The following ZC3H12B variants were observed in gnomAD, a reference collection of about 807,000 sequenced individuals.
The protein encoded by ZC3H12B is probable ribonuclease ZC3H12B.
In ZC3H12B, 7 loss-of-function variants were observed where a neutral mutation model predicts 43.9. The ratio of observed to expected loss-of-function variants is 0.16; its 90% CI spans 0.09 to 0.30. The LOEUF is 0.30. ZC3H12B is among the 10% of genes least tolerant of loss of function. The pLI is 1.00. For synonymous variants in ZC3H12B, 222 were observed against 241.7 expected, an observed-to-expected ratio of 0.92 and a Z score of 0.76; for missense variants, 475 against 670.2, an observed-to-expected ratio of 0.71 and a Z score of 3.22.
chrX:65,349,837 G>A, the ZC3H12B span, among the ~76,000 whole-genome samples: 1 of 111,497 alleles, frequency 9.0e-6, no homozygotes. Context: ...CCAATAACAA[G>A]TTCTAAAATT....
the ZC3H12B span, among the ~76,000 whole-genome samples, chrX:65,341,759 C>T: frequency 6.5e-4 from 71 of 109,389 alleles, no homozygotes; most frequent in African/African-American, 2.3e-3. Context: ...CAAAAGCACA[C>T]TTAAGTACAC....
the ZC3H12B span, among the ~76,000 whole-genome samples, chrX:65,321,486 G>A: frequency 2.0e-4 from 22 of 111,775 alleles, no homozygotes; most frequent in Non-Finnish European, 3.8e-4. Flanking sequence ...GCAGTAAACA[G>A]TGTGGCGATT....
the ZC3H12B span, among the ~76,000 whole-genome samples, chrX:65,309,308 G>A: frequency 9.0e-6 from 1 of 111,496 alleles, no homozygotes; most frequent in Admixed American, 9.5e-5. Context: ...AACTGATAAA[G>A]GGGATATCAC....
At chrX:65,394,642 T>A (rs2066671927) in intron 2 of ZC3H12B, among the ~76,000 whole-genome samples, 1 of 111,898 alleles carries the variant, frequency 8.9e-6, no homozygotes, top group African/African-American at 3.2e-5. Flanking sequence ...GCCTAATGCC[T>A]CTAGCTTTGT....
At chrX:65,152,639 C>T in the ZC3H12B span, among the ~76,000 whole-genome samples, 2 of 111,102 alleles carry the variant, frequency 1.8e-5, no homozygotes, top group Non-Finnish European at 3.8e-5. Context: ...GAATCAATAT[C>T]GTGAAAATGG....
intron 2 of ZC3H12B, among the ~76,000 whole-genome samples, chrX:65,387,300 G>T (rs1231186621): frequency 1.8e-5 from 2 of 111,403 alleles, no homozygotes; most frequent in Non-Finnish European, 3.8e-5. Context: ...GGTATCTAAG[G>T]ACTGTCTTTA....
At chrX:65,133,097 C>G in the ZC3H12B span, among the ~76,000 whole-genome samples, 14 of 111,357 alleles carry the variant, frequency 1.3e-4, no homozygotes, top group Non-Finnish European at 2.1e-4. Context: ...GCACTTGAAG[C>G]AAGATCCTCG....
chrX:65,407,096 AAGAAAGAAG>A (rs2066838224), intron 3 of ZC3H12B, among the ~76,000 whole-genome samples: 2 of 112,930 alleles, frequency 1.8e-5, no homozygotes, highest in African/African-American at 6.4e-5. Context: ...CGAGGAAGAA[AAGAAAGAAG>A]ACCGAGGAAG....
chrX:65,053,254 C>G, the ZC3H12B span, among the ~76,000 whole-genome samples: 4 of 110,620 alleles, frequency 3.6e-5, no homozygotes, highest in Non-Finnish European at 5.7e-5. Flanking sequence ...CTATCCGTCC[C>G]CACTCCCCCC....
chrX:65,158,325 G>T, the ZC3H12B span, among the ~76,000 whole-genome samples: 2 of 111,277 alleles, frequency 1.8e-5, no homozygotes, highest in Admixed American at 1.9e-4. Context: ...ATTTCTAGTT[G>T]TAGATCCCTG....
the ZC3H12B span, among the ~76,000 whole-genome samples, chrX:65,145,115 T>G: frequency 1.8e-5 from 2 of 111,801 alleles, no homozygotes; most frequent in Non-Finnish European, 3.8e-5. Flanking sequence ...TTCTTAGGTC[T>G]ACTATTAATC....
chrX:65,172,570 A>G, the ZC3H12B span, among the ~76,000 whole-genome samples: 2 of 112,348 alleles, frequency 1.8e-5, no homozygotes, highest in African/African-American at 6.5e-5. Flanking sequence ...TTTACACTTA[A>G]GTTTTTAATC....
chrX:65,041,723 T>A, the ZC3H12B span, among the ~76,000 whole-genome samples: 3 of 112,329 alleles, frequency 2.7e-5, no homozygotes, highest in Admixed American at 9.4e-5. Context: ...GTTGATGGTG[T>A]TGCTGCAGCT....
chrX:65,193,601 G>A, the ZC3H12B span, among the ~76,000 whole-genome samples: 5 of 110,905 alleles, frequency 4.5e-5, no homozygotes, highest in South Asian at 3.7e-4. Flanking sequence ...TCGATCTTTT[G>A]TGTTGTTGAT....
the ZC3H12B span, among the ~76,000 whole-genome samples, chrX:65,288,309 G>A: frequency 1.8e-5 from 2 of 110,688 alleles, no homozygotes; most frequent in African/African-American, 6.6e-5. Flanking sequence ...ATTCAATAAG[G>A]CCAGCAATTA....
chrX:65,097,218 C>G, the ZC3H12B span, among the ~76,000 whole-genome samples: 24 of 111,810 alleles, frequency 2.1e-4, no homozygotes, highest in African/African-American at 7.1e-4. Context: ...AAAAATATGT[C>G]AAATCTTTAA....
At chrX:65,422,077 A>G (rs190035335) in intron 3 of ZC3H12B, among the ~76,000 whole-genome samples, 3 of 111,994 alleles carry the variant, frequency 2.7e-5, no homozygotes, top group Non-Finnish European at 5.6e-5. Flanking sequence ...AGTTGCAGTT[A>G]CATTGTCAGC....
the ZC3H12B span, among the ~76,000 whole-genome samples, chrX:65,294,408 G>C: frequency 9.0e-6 from 1 of 111,278 alleles, no homozygotes; most frequent in South Asian, 3.7e-4. Context: ...CCTCATAAAG[G>C]CATAAATCTT....
chrX:65,226,989 C>G, the ZC3H12B span, among the ~76,000 whole-genome samples: 7 of 110,943 alleles, frequency 6.3e-5, no homozygotes, highest in Non-Finnish European at 1.3e-4. Flanking sequence ...AGAAAGTTAG[C>G]AAGGATACCC....
Sources: gnomAD v4.1 joint callset for allele counts (sites outside exome capture counted in the v4.1 genomes callset) on GRCh38, gnomAD v4.1.1 for gene constraint, MANE v1.5 for transcripts, NCBI Gene and HGNC (gene_info 2026-07-23, HGNC 2026-07-21) for gene names.